The following DCDC1 variants were observed in gnomAD, a reference collection of about 807,000 sequenced individuals.
The protein encoded by DCDC1 is doublecortin domain containing 1.
A neutral mutation model predicts 178.3 loss-of-function variants in DCDC1; 200 were observed. The observed-to-expected ratio is 1.12, with a 90% CI of 1.00 to 1.26. DCDC1 has a LOEUF of 1.26. DCDC1 is among the 50% of genes most tolerant of loss of function. The pLI, the probability that DCDC1 is intolerant of heterozygous loss-of-function variation, is 0.00. For missense variants in DCDC1, 1,983 were observed against 1,749.2 expected (o/e 1.13, Z -2.38); for synonymous variants, 690 against 604.8 (o/e 1.14, Z -2.07).
At chr11:31,261,639 A>G (rs1008395575) in intron 8 of DCDC1, among the ~76,000 whole-genome samples, 1 of 152,172 alleles carries the variant, frequency 6.6e-6, no homozygotes, top group Non-Finnish European at 1.5e-5. Context: ...ATATGCAAAT[A>G]CTACACCATT....
chr11:31,240,469 C>G (rs1976982146), intron 9 of DCDC1, among the ~76,000 whole-genome samples: 1 of 151,974 alleles, frequency 6.6e-6, no homozygotes. Flanking sequence ...ATTCCAAAGT[C>G]AATACAAGTT....
At chr11:31,319,239 T>C (rs1203924655) in intron 3 of DCDC1, among the ~76,000 whole-genome samples, 1 of 14,848 alleles carries the variant, frequency 6.7e-5, no homozygotes, top group Non-Finnish European at 1.1e-4. Flanking sequence ...CGTTGATCTG[T>C]CTAATGTTGA....
At chr11:30,929,892 T>C (rs1565088810) in intron 22 of DCDC1, among the ~76,000 whole-genome samples, 1 of 152,066 alleles carries the variant, frequency 6.6e-6, no homozygotes, top group Non-Finnish European at 1.5e-5. Context: ...ACCGACTAAG[T>C]AATGAACAAA....
At chr11:31,046,407 T>C (rs776345383) in intron 20 of DCDC1, among the ~76,000 whole-genome samples, 1 of 152,036 alleles carries the variant, frequency 6.6e-6, no homozygotes, top group African/African-American at 2.4e-5. Context: ...AGCTGCATCT[T>C]AGTAGCCATA....
chr11:31,261,440 G>A (rs949900844), intron 8 of DCDC1, among the ~76,000 whole-genome samples: 1 of 151,974 alleles, frequency 6.6e-6, no homozygotes, highest in African/African-American at 2.4e-5. Flanking sequence ...ATCTTATTGG[G>A]TTCCACATCC....
intron 21 of DCDC1, among the ~76,000 whole-genome samples, chr11:30,940,128 A>C (rs1164331896): frequency 1.3e-5 from 2 of 152,162 alleles, no homozygotes; most frequent in Non-Finnish European, 2.9e-5. Flanking sequence ...AAACTGGCCC[A>C]ATTATCCCAT....
At chr11:31,341,640 TAGTA>T (rs1370393480) in intron 1 of DCDC1, among the ~76,000 whole-genome samples, 1 of 152,032 alleles carries the variant, frequency 6.6e-6, no homozygotes, top group Non-Finnish European at 1.5e-5. Flanking sequence ...TTTAACACTA[TAGTA>T]AGTATTTGTG....
chr11:31,046,496 A>G (rs969196861), intron 20 of DCDC1, among the ~76,000 whole-genome samples: 1 of 152,042 alleles, frequency 6.6e-6, no homozygotes, highest in Non-Finnish European at 1.5e-5. Flanking sequence ...TATACTGTCA[A>G]ATTTCCAGTG....
Position 31,241,404 on chromosome 11 carries a change from T to A in DCDC1, c.1221+46A>T, listed in dbSNP as rs555067326. 82 of 395,110 alleles carry A rather than the reference T, an allele frequency of 2.1e-4. No homozygotes were observed. The East Asian group carries it at 2.5e-3, about 12-fold the overall frequency. 24.5% of individuals were successfully genotyped at this position (395,110 alleles called of 1,614,324 possible). The stretch of plus-strand genomic sequence containing the variant: ...CATTGCCTCTATACAACCAAGTATA[T>A]TTTTAAAACATATAATAAAGAAATT... On this transcript the variant is annotated intron_variant, in intron 9 of 38. Transcript: ENST00000684477.
At chr11:31,281,108 C>A (rs1325102740) in intron 7 of DCDC1, 6 of 370,694 alleles carry the variant, frequency 1.6e-5, no homozygotes, top group Admixed American at 1.0e-4. Context: ...TTGTATCCTG[C>A]AAACTTGCTG....
At chr11:31,122,169 C>A (rs1341484021) in intron 11 of DCDC1, among the ~76,000 whole-genome samples, 2 of 152,114 alleles carry the variant, frequency 1.3e-5, no homozygotes, top group Non-Finnish European at 1.5e-5. Flanking sequence ...TACACTGCGG[C>A]CTTTGCTCCA....
intron 12 of DCDC1, among the ~76,000 whole-genome samples, chr11:31,107,801 C>T (rs972295019): frequency 6.6e-6 from 1 of 152,138 alleles, no homozygotes; most frequent in African/African-American, 2.4e-5. Flanking sequence ...TCCACCCTAT[C>T]CATCACTCTT....
intron 20 of DCDC1, among the ~76,000 whole-genome samples, chr11:31,017,866 T>G (rs1456784240): frequency 1.3e-5 from 2 of 152,232 alleles, no homozygotes; most frequent in African/African-American, 4.8e-5. Flanking sequence ...CTGCTGGGTT[T>G]ATAGGTGTGA....
chr11:31,213,916 G>T (rs1973192336), intron 9 of DCDC1, among the ~76,000 whole-genome samples: 1 of 151,532 alleles, frequency 6.6e-6, no homozygotes, highest in Non-Finnish European at 1.5e-5. Flanking sequence ...ACATGTACAT[G>T]TATCTACACA....
At chr11:31,339,686 G>T (rs1246098817) in intron 1 of DCDC1, among the ~76,000 whole-genome samples, 1 of 152,146 alleles carries the variant, frequency 6.6e-6, no homozygotes, top group African/African-American at 2.4e-5. Context: ...AAGAAATATG[G>T]GAAATTGTAC....
intron 9 of DCDC1, among the ~76,000 whole-genome samples, chr11:31,169,170 G>A (rs1966898318): frequency 6.6e-6 from 1 of 152,142 alleles, no homozygotes. Flanking sequence ...ACTCATAAGA[G>A]GGAGTTGAAC....
chr11:31,213,889 T>C, intron 9 of DCDC1, among the ~76,000 whole-genome samples: 1 of 152,096 alleles, frequency 6.6e-6, no homozygotes, highest in South Asian at 2.1e-4. Context: ...TATTTATTTA[T>C]ATTGTTGAGT....
intron 7 of DCDC1, among the ~76,000 whole-genome samples, chr11:31,284,643 G>C (rs1334351335): frequency 6.6e-6 from 1 of 151,140 alleles, no homozygotes; most frequent in East Asian, 1.9e-4. Flanking sequence ...TCATGTTTAT[G>C]TCTTTTTTTT....
intron 6 of DCDC1, among the ~76,000 whole-genome samples, chr11:31,303,559 G>C (rs1192312469): frequency 6.6e-6 from 1 of 152,018 alleles, no homozygotes; most frequent in African/African-American, 2.4e-5. Flanking sequence ...GTTTGAAAAA[G>C]TGTATGTGAA....
Sources: allele counts gnomAD v4.1 joint callset (sites outside exome capture counted in the v4.1 genomes callset), GRCh38; gene constraint gnomAD v4.1.1; transcripts MANE v1.5; gene names NCBI Gene and HGNC (gene_info 2026-07-23, HGNC 2026-07-21).